Variants in SHISA9 observed in about 807,000 individuals in gnomAD.
The protein encoded by SHISA9 is shisa family member 9.
A neutral mutation model predicts 38.0 loss-of-function variants in SHISA9; 13 were observed. The observed-to-expected ratio is 0.34, with a 90% CI of 0.22 to 0.54. SHISA9 has a LOEUF of 0.54. Among genes scored for constraint, SHISA9 ranks in the 20% least tolerant of loss-of-function variants. SHISA9 has a pLI of 0.91. For synonymous variants in SHISA9, 275 were observed against 242.0 expected, an observed-to-expected ratio of 1.14 and a Z score of -1.27; for missense variants, 538 against 575.8, an observed-to-expected ratio of 0.93 and a Z score of 0.67.
the SHISA9 span, among the ~76,000 whole-genome samples, chr16:13,412,861 C>G: frequency 6.6e-6 from 1 of 151,176 alleles, no homozygotes; most frequent in African/African-American, 2.4e-5. Flanking sequence ...GTCCCCCTAA[C>G]CAAAAAAACA....
At chr16:13,100,794 G>A (rs1394370954) in intron 2 of SHISA9, among the ~76,000 whole-genome samples, 3 of 152,136 alleles carry the variant, frequency 2.0e-5, no homozygotes, top group Admixed American at 6.5e-5. Flanking sequence ...TGCAACCTCT[G>A]CCTCTCCGGT....
chr16:13,214,034 T>G (rs1267119155), intron 4 of SHISA9, among the ~76,000 whole-genome samples: 1 of 152,154 alleles, frequency 6.6e-6, no homozygotes, highest in African/African-American at 2.4e-5. Flanking sequence ...GTGGTAGATC[T>G]GCAGTTTGAA....
At position 13,091,847 on chromosome 16, in the gene SHISA9, G is replaced by A. The variant is rs547714596; in HGVS notation, c.692-111547G>A. ...TCCATCCAGCTTTGTTCCGTTGCTC[G>A]CTAGGAACTGCGATCCTTTGGAGGA... On this transcript the variant is annotated intron_variant, in intron 2 of 4. Coordinates refer to ENST00000558583, the MANE Select transcript of SHISA9 (RefSeq NM_001145204.3). 6.2e-4 allele frequency among the ~76,000 whole-genome samples: 95 copies of A among 152,266 alleles called. 1 individual carries two copies. The Middle Eastern group carries it at 0.01, about 16-fold the overall frequency.
chr16:13,261,265 A>G, the SHISA9 span, among the ~76,000 whole-genome samples: 5 of 152,144 alleles, frequency 3.3e-5, no homozygotes, highest in Admixed American at 3.3e-4. Context: ...AGTCCATGGG[A>G]GAAGACTCTA....
intron 2 of SHISA9, among the ~76,000 whole-genome samples, chr16:13,119,676 G>A (rs904645248): frequency 7.2e-5 from 11 of 152,262 alleles, no homozygotes; most frequent in Admixed American, 4.6e-4. Context: ...TTTATTTGCT[G>A]TTTTCTTCAG....
chr16:13,159,053 T>A (rs1206437651), intron 2 of SHISA9, among the ~76,000 whole-genome samples: 1 of 120,214 alleles, frequency 8.3e-6, no homozygotes, highest in East Asian at 2.3e-4. Flanking sequence ...AGCGAGACTC[T>A]GTCTCAAAAA....
At chr16:12,991,670 A>G (rs1441939833) in intron 2 of SHISA9, among the ~76,000 whole-genome samples, 2 of 152,204 alleles carry the variant, frequency 1.3e-5, no homozygotes, top group South Asian at 2.1e-4. Context: ...GGGTTGGAAG[A>G]GAGGAAGATG....
At chr16:13,305,363 A>T in the SHISA9 span, among the ~76,000 whole-genome samples, 1 of 152,136 alleles carries the variant, frequency 6.6e-6, no homozygotes, top group Non-Finnish European at 1.5e-5. Context: ...AATGACTGTG[A>T]CTCCAGGTAT....
At chr16:13,198,041 C>T (rs980243315) in intron 2 of SHISA9, among the ~76,000 whole-genome samples, 7 of 152,014 alleles carry the variant, frequency 4.6e-5, no homozygotes, top group Admixed American at 1.3e-4. Context: ...AAAAATTAGC[C>T]GGGCTTGGTG....
intron 2 of SHISA9, among the ~76,000 whole-genome samples, chr16:13,130,837 T>C (rs1466916233): frequency 6.6e-6 from 1 of 152,216 alleles, no homozygotes; most frequent in Non-Finnish European, 1.5e-5. Context: ...TATTTACATA[T>C]GTTTGTTGGC....
At chr16:12,961,073 G>A (rs1398815656) in intron 2 of SHISA9, among the ~76,000 whole-genome samples, 2 of 152,138 alleles carry the variant, frequency 1.3e-5, no homozygotes, top group Non-Finnish European at 2.9e-5. Context: ...TTTGGTCAGG[G>A]GTCAGGGGTC....
the SHISA9 span, among the ~76,000 whole-genome samples, chr16:13,393,241 G>C: frequency 1.3e-5 from 2 of 152,212 alleles, no homozygotes; most frequent in Non-Finnish European, 2.9e-5. Flanking sequence ...TGTGTGACCT[G>C]TGCAGTCACA....
chr16:13,464,290 G>C, the SHISA9 span, among the ~76,000 whole-genome samples: 2 of 152,174 alleles, frequency 1.3e-5, no homozygotes, highest in African/African-American at 4.8e-5. Flanking sequence ...TCCCTGACCT[G>C]TTGGAGGAGT....
chr16:13,293,569 A>T, the SHISA9 span, among the ~76,000 whole-genome samples: 2 of 152,302 alleles, frequency 1.3e-5, no homozygotes, highest in Admixed American at 6.5e-5. Context: ...AAATATATAT[A>T]ATGTACTAGT....
the SHISA9 span, among the ~76,000 whole-genome samples, chr16:13,303,886 C>T: frequency 6.6e-6 from 1 of 152,108 alleles, no homozygotes; most frequent in Admixed American, 6.5e-5. Context: ...AATGCATTTC[C>T]CTTCTTCTTC....
the SHISA9 span, among the ~76,000 whole-genome samples, chr16:13,466,343 G>A: frequency 2.6e-5 from 4 of 152,206 alleles, no homozygotes; most frequent in African/African-American, 9.7e-5. Flanking sequence ...TGGCAGTAAG[G>A]AAGAGTGTGT....
At position 12,908,669 on chromosome 16, in the gene SHISA9, C is replaced by T. The variant is rs9926205; in HGVS notation, c.563+6042C>T. 8,585 of 1,534,910 alleles carry T rather than the reference C, an allele frequency of 5.6e-3. 367 individuals are homozygous for T. In the African/African-American group the frequency reaches 0.099, roughly 18 times the overall value. Reference sequence around the variant, plus strand: ...ACTTCTCAGATCACAGAGAAGTACGCGATGCCCTGCAAACAACAGCTCATG... The same window carrying T: ...ACTTCTCAGATCACAGAGAAGTACGTGATGCCCTGCAAACAACAGCTCATG... On this transcript the variant is annotated intron_variant, in intron 1 of 4. Transcript: ENST00000558583.
rs73507133 is a variant in SHISA9 at position 13,203,143 on chromosome 16, A to G, written c.692-251A>G. ...ACCTCTCTACTGAAAGGACCTTAACATGTTAGTTTAACATGTTTTGAGCAC... is the reference window on the plus strand; with the variant it reads ...ACCTCTCTACTGAAAGGACCTTAACGTGTTAGTTTAACATGTTTTGAGCAC... On this transcript the variant is annotated intron_variant, in intron 2 of 4. Transcript: ENST00000558583. 8.0e-3 allele frequency: 2,799 copies of G among 351,926 alleles called. 65 individuals are homozygous for G. The highest frequency in any genetic ancestry group is 0.054 in the African/African-American group (2,567 of 47,802). 21.8% of individuals were successfully genotyped at this position (351,926 alleles called of 1,614,324 possible).
At chr16:12,965,999 A>G (rs2071973241) in intron 2 of SHISA9, among the ~76,000 whole-genome samples, 1 of 152,218 alleles carries the variant, frequency 6.6e-6, no homozygotes, top group South Asian at 2.1e-4. Flanking sequence ...CTGTAGCATC[A>G]TCTTGGACTG....
Sources: allele counts gnomAD v4.1 joint callset (sites outside exome capture counted in the v4.1 genomes callset), GRCh38; gene constraint gnomAD v4.1.1; transcripts MANE v1.5; gene names NCBI Gene and HGNC (gene_info 2026-07-23, HGNC 2026-07-21).